Variants in ATP6V1B2 observed in about 807,000 individuals in gnomAD.
The protein encoded by ATP6V1B2 is V-type proton ATPase subunit B, brain isoform.
ATP6V1B2 carries 23 observed loss-of-function variants against 66.7 expected under a neutral mutation model. The ratio of observed to expected loss-of-function variants is 0.34; its 90% CI spans 0.25 to 0.49. ATP6V1B2 has a LOEUF of 0.49. Ranked by LOEUF, ATP6V1B2 falls within the 20% of genes least tolerant of loss-of-function variation. The probability of loss-of-function intolerance (pLI) is 0.99; values close to 1 mark genes in which losing one functional copy is unlikely to be tolerated. For synonymous variants in ATP6V1B2, 278 were observed against 236.7 expected, an observed-to-expected ratio of 1.17 and a Z score of -1.60; for missense variants, 478 against 650.8, an observed-to-expected ratio of 0.73 and a Z score of 2.89.
At chr8:20,202,110 C>T (rs565420188) in intron 1 of ATP6V1B2, among the ~76,000 whole-genome samples, 128 of 152,216 alleles carry the variant, frequency 8.4e-4, no homozygotes, top group African/African-American at 3.0e-3. Flanking sequence ...TTGCCTGGTG[C>T]GTTAAAAAGT....
intron 8 of ATP6V1B2, 59 bp from the exon 9 acceptor site, chr8:20,212,723 T>C: frequency 6.3e-7 from 1 of 1,582,192 alleles, no homozygotes; most frequent in Non-Finnish European, 8.6e-7. Context: ...TCATTTCTTT[T>C]TGTGTTTTCT....
At chr8:20,219,792 C>T (rs528755525) in intron 13 of ATP6V1B2, among the ~76,000 whole-genome samples, 35 of 152,236 alleles carry the variant, frequency 2.3e-4, no homozygotes, top group African/African-American at 7.7e-4. Context: ...AAACCACTGA[C>T]CTTCAGATAG....
intron 1 of ATP6V1B2, among the ~76,000 whole-genome samples, chr8:20,200,204 G>A (rs2072671302): frequency 6.6e-6 from 1 of 151,758 alleles, no homozygotes; most frequent in South Asian, 2.1e-4. Context: ...TTTTGGTAGA[G>A]ATGGGATTTC....
intron 1 of ATP6V1B2, among the ~76,000 whole-genome samples, chr8:20,197,794 C>T (rs1004235761): frequency 5.3e-5 from 8 of 152,100 alleles, no homozygotes; most frequent in Admixed American, 2.0e-4. Context: ...TGTTGCCCTA[C>T]CCCCTCCCCT....
intron 1 of ATP6V1B2, chr8:20,203,989 C>T: frequency 4.4e-6 from 2 of 455,956 alleles, no homozygotes; most frequent in Non-Finnish European, 8.8e-6. Context: ...TCCTTTGTGA[C>T]TTTTGTCACT....
At chr8:20,219,625 T>C (rs1397904823) in intron 13 of ATP6V1B2, among the ~76,000 whole-genome samples, 3 of 152,188 alleles carry the variant, frequency 2.0e-5, no homozygotes, top group African/African-American at 7.2e-5. Flanking sequence ...TTCATGATTA[T>C]TGGAATTTTT....
At chr8:20,201,171 A>G (rs879587914) in intron 1 of ATP6V1B2, among the ~76,000 whole-genome samples, 1 of 152,234 alleles carries the variant, frequency 6.6e-6, no homozygotes, top group Non-Finnish European at 1.5e-5. Flanking sequence ...TAAGAAGGTA[A>G]TATAAGCATA....
At chr8:20,210,751 T>C (rs2072785465) in intron 5 of ATP6V1B2, 105 bp downstream of exon 5, 2 of 790,518 alleles carry the variant, frequency 2.5e-6, no homozygotes, top group Non-Finnish European at 4.3e-6. Context: ...TTAAAGTAGA[T>C]AGGCAACACG....
intron 1 of ATP6V1B2, 117 bp downstream of exon 1, chr8:20,197,659 C>A: frequency 8.2e-7 from 1 of 1,216,962 alleles, no homozygotes; most frequent in Non-Finnish European, 1.1e-6. Context: ...TCCCGCGTCT[C>A]CCCTCCGACC....
chr8:20,204,023 T>A (rs2072713542), intron 1 of ATP6V1B2: 1 of 455,764 alleles, frequency 2.2e-6, no homozygotes, highest in Non-Finnish European at 4.4e-6. Context: ...AAGGATTCCC[T>A]TTCCTCATCT....
In ATP6V1B2 at chr8:20,220,548, A is replaced by C. The variant is rs1585256363; in HGVS notation, c.*146A>C. On this transcript the variant is annotated 3_prime_UTR_variant, in exon 14 of 14. Transcript: ENST00000276390. ...CAAAGAATAGGTAACATATTGTGCCAGTGTTGCAACGTTTTAAACTGCTAA... is the reference window on the plus strand; with the variant it reads ...CAAAGAATAGGTAACATATTGTGCCCGTGTTGCAACGTTTTAAACTGCTAA... 1.7e-6 allele frequency: 2 copies of C among 1,208,938 alleles called. No homozygotes were observed. The highest frequency in any genetic ancestry group is 1.6e-5 in the African/African-American group (1 of 63,616). 74.9% of individuals were successfully genotyped at this position (1,208,938 alleles called of 1,614,324 possible).
Position 20,197,386 on chromosome 8 carries a change from A to T in ATP6V1B2, c.-21A>T. On this transcript the variant is annotated 5_prime_UTR_variant, in exon 1 of 14. Coordinates refer to ENST00000276390, the MANE Select transcript of ATP6V1B2 (RefSeq NM_001693.4). ...GCGTGCGCGGCGTCGCTGCTGGGCCAGTCGGGACAGAGGAGACAAGATGGC... is the reference window on the plus strand; with the variant it reads ...GCGTGCGCGGCGTCGCTGCTGGGCCTGTCGGGACAGAGGAGACAAGATGGC... The T allele has an allele frequency of 6.7e-7, 1 of 1,502,500 alleles. No homozygotes were observed. Among genetic ancestry groups the T allele is most frequent in the Non-Finnish European group, 8.9e-7 (1 of 1,125,072 alleles). The allele number at this position is 1,502,500 out of a possible 1,614,324, so 93.1% of individuals were successfully genotyped here.
intron 1 of ATP6V1B2, 21 bp downstream of exon 1, chr8:20,197,563 C>T (rs1170181791): frequency 2.2e-6 from 3 of 1,352,398 alleles, no homozygotes; most frequent in Non-Finnish European, 1.9e-6. Context: ...GAGAGTAATA[C>T]GTCTCCGGTC....
At chr8:20,203,303 G>T (rs2072705480) in intron 1 of ATP6V1B2, among the ~76,000 whole-genome samples, 1 of 152,244 alleles carries the variant, frequency 6.6e-6, no homozygotes, top group Non-Finnish European at 1.5e-5. Context: ...TAGCAGGAAA[G>T]ATGGAAGCCC....
intron 1 of ATP6V1B2, among the ~76,000 whole-genome samples, chr8:20,201,246 T>G (rs6586899): frequency 0.2 from 30,854 of 152,172 alleles, 3,576 homozygotes; most frequent in African/African-American, 0.31. Flanking sequence ...TCAAATTCTT[T>G]TTCATTTGGA....
intron 11 of ATP6V1B2, 130 bp downstream of exon 11, chr8:20,216,625 T>TA (rs935860871): frequency 5.2e-6 from 4 of 773,942 alleles, no homozygotes; most frequent in East Asian, 2.8e-5. Context: ...AATATGGTTA[T>TA]AAAATTGTCA....
Position 20,214,839 on chromosome 8 carries a change from G to A in ATP6V1B2, c.949G>A (p.Val317Ile). The A allele has an allele frequency of 2.5e-6, 4 of 1,612,260 alleles. No homozygotes were observed. Among genetic ancestry groups the A allele is most frequent in the Non-Finnish European group, 3.4e-6 (4 of 1,179,066 alleles). Residue 317 changes from valine (V) to isoleucine (I), a missense_variant, in exon 10 of 14, where the codon GTA (valine) becomes ATA (isoleucine). By Grantham distance (29) the Val-to-Ile change is conservative. This residue lies in a region of ATP6V1B2 where 326 missense variants were observed against 545.6 expected (regional missense o/e 0.60). Transcript: ENST00000276390. ...LREVSAAREE[V>I]PGRRGFPGYM... ...TCAGGTTTCAGCAGCCAGGGAAGAG[G>A]TACCTGGTCGACGAGGTTTTCCAGG... is the stretch of plus-strand genomic sequence containing the variant.
intron 2 of ATP6V1B2, among the ~76,000 whole-genome samples, chr8:20,205,173 A>C (rs955932103): frequency 4.6e-5 from 7 of 152,196 alleles, no homozygotes; most frequent in African/African-American, 1.7e-4. Context: ...AAATATTAGG[A>C]AGCTTTGTTT....
At chr8:20,210,796 A>T (rs144600508) in intron 5 of ATP6V1B2, 150 bp downstream of exon 5, 1 of 405,796 alleles carries the variant, frequency 2.5e-6, no homozygotes, top group Admixed American at 4.5e-5. Flanking sequence ...TTATTTAATT[A>T]TATTTTCTTA....
Sources: allele counts gnomAD v4.1 joint callset (sites outside exome capture counted in the v4.1 genomes callset), GRCh38; gene constraint gnomAD v4.1.1; regional missense constraint gnomAD v4.1.1; transcripts MANE v1.5; gene names NCBI Gene and HGNC (gene_info 2026-07-23, HGNC 2026-07-21).